The following REEP3 variants were observed in gnomAD, a reference collection of about 807,000 sequenced individuals.
The protein encoded by REEP3 is receptor expression-enhancing protein 3.
Under a neutral mutation model 41.3 loss-of-function variants are expected in REEP3, and 20 were observed. The observed-to-expected ratio is 0.48, with a 90% CI of 0.34 to 0.70. The LOEUF (loss-of-function observed/expected upper bound fraction) is 0.70, where lower values mean the gene tolerates loss of function less well. Ranked by LOEUF, REEP3 falls within the 30% of genes least tolerant of loss-of-function variation. REEP3 has a pLI of 0.01. For synonymous variants in REEP3, 104 were observed against 101.8 expected (o/e 1.02, Z -0.13); for missense variants, 271 against 308.8 (o/e 0.88, Z 0.92).
chr10:63,540,236 A>T (rs1589859418), intron 1 of REEP3, among the ~76,000 whole-genome samples: 1 of 152,234 alleles, frequency 6.6e-6, no homozygotes, highest in Non-Finnish European at 1.5e-5. Flanking sequence ...ACAGTACCTC[A>T]TGAAATTCAA....
chr10:63,524,945 A>G (rs1353862919), intron 1 of REEP3, among the ~76,000 whole-genome samples: 3 of 152,132 alleles, frequency 2.0e-5, no homozygotes, highest in East Asian at 3.9e-4. Flanking sequence ...CCTGGAGGCA[A>G]AGGTTGCAGT....
At chr10:63,571,459 A>G (rs1318851393) in intron 2 of REEP3, among the ~76,000 whole-genome samples, 1 of 152,038 alleles carries the variant, frequency 6.6e-6, no homozygotes, top group Non-Finnish European at 1.5e-5. Flanking sequence ...TTATTCTTCC[A>G]TCCTCAAACC....
At chr10:63,576,772 G>A (rs1022635915) in intron 2 of REEP3, among the ~76,000 whole-genome samples, 13 of 152,114 alleles carry the variant, frequency 8.5e-5, no homozygotes, top group African/African-American at 2.9e-4. Context: ...TCTTTTCCTG[G>A]CTTGTAAGGC....
At chr10:63,586,820 C>T (rs1057076973) in intron 2 of REEP3, among the ~76,000 whole-genome samples, 6 of 152,084 alleles carry the variant, frequency 3.9e-5, no homozygotes, top group Non-Finnish European at 5.9e-5. Context: ...GCATGAGCCA[C>T]GACACCCGGC....
chr10:63,549,385 TAGTG>T (rs1955607210), intron 1 of REEP3, among the ~76,000 whole-genome samples: 1 of 152,120 alleles, frequency 6.6e-6, no homozygotes, highest in Non-Finnish European at 1.5e-5. Flanking sequence ...CTGGATAACA[TAGTG>T]AGACCCCATC....
chr10:63,610,383 G>C lies in REEP3; in HGVS notation c.565+49G>C, dbSNP rs1956268482. ...CGGTTCTTTTACATGGAAACAGGGA[G>C]GGGAACAACATACACTGGGGCCTGT... On this transcript the variant is annotated intron_variant, in intron 6 of 7. Transcript: ENST00000373758. 2.6e-6 allele frequency: 4 copies of C among 1,537,250 alleles called. No homozygotes were observed. The East Asian group carries it at 9.8e-5, about 38-fold the overall frequency.
rs910161400 is a variant in REEP3, at chr10:63,624,196, G to C, written c.*3327G>C. 15 of 152,134 alleles carry C rather than the reference G, an allele frequency of 9.9e-5. No homozygotes were observed. The highest frequency in any genetic ancestry group is 3.4e-3 in the Middle Eastern group (1 of 294). The allele number at this position is 152,134 out of a possible 1,614,324, so 9.4% of individuals were successfully genotyped here. A position where few individuals can be genotyped will look rare whatever the true frequency, so the allele number is the denominator to read the frequency against. ...TTCTTCTTTGTAAGTTGACTCATTT[G>C]TGAAGCAATTAGGCAAATTTTGAGA... On this transcript the variant is annotated 3_prime_UTR_variant, in exon 8 of 8. Transcript: ENST00000373758.
intron 2 of REEP3, among the ~76,000 whole-genome samples, chr10:63,575,295 C>T (rs907705133): frequency 6.6e-6 from 1 of 152,134 alleles, no homozygotes; most frequent in South Asian, 2.1e-4. Context: ...TTTTTCTCCC[C>T]ATTCAGGAAG....
At chr10:63,526,065 A>G (rs949290526) in intron 1 of REEP3, among the ~76,000 whole-genome samples, 27 of 152,236 alleles carry the variant, frequency 1.8e-4, no homozygotes, top group African/African-American at 5.3e-4. Context: ...AAATCCCAGC[A>G]TGCTGAATGT....
intron 5 of REEP3, among the ~76,000 whole-genome samples, chr10:63,603,682 A>G (rs2133419761): frequency 6.6e-6 from 1 of 152,310 alleles, no homozygotes; most frequent in Middle Eastern, 3.4e-3. Flanking sequence ...TTTATCCATA[A>G]CATCCCTGTA....
At chr10:63,523,624 A>C (rs1254538917) in intron 1 of REEP3, among the ~76,000 whole-genome samples, 2 of 152,166 alleles carry the variant, frequency 1.3e-5, no homozygotes, top group Non-Finnish European at 2.9e-5. Flanking sequence ...CCACAGAGTG[A>C]GACTGTGCCT....
chr10:63,568,407 C>G (rs1432935319), intron 2 of REEP3, among the ~76,000 whole-genome samples: 1 of 151,816 alleles, frequency 6.6e-6, no homozygotes, highest in Non-Finnish European at 1.5e-5. Flanking sequence ...GCTGGGACTA[C>G]AGGCGCCCGC....
intron 2 of REEP3, among the ~76,000 whole-genome samples, chr10:63,567,159 A>G (rs1271462947): frequency 6.6e-6 from 1 of 152,244 alleles, no homozygotes; most frequent in African/African-American, 2.4e-5. Context: ...ATAAGCAGTC[A>G]ATACTGAGAT....
chr10:63,578,335 TG>T (rs1167736111), intron 2 of REEP3, among the ~76,000 whole-genome samples: 1 of 152,086 alleles, frequency 6.6e-6, no homozygotes, highest in Non-Finnish European at 1.5e-5. Flanking sequence ...CCTGACCTCG[TG>T]ATCCGCCTGC....
At chr10:63,603,759 T>C (rs186755339) in intron 5 of REEP3, among the ~76,000 whole-genome samples, 26 of 152,354 alleles carry the variant, frequency 1.7e-4, no homozygotes, top group African/African-American at 6.3e-4. Context: ...GAGTCTATAT[T>C]ATTCACTAGC....
At chr10:63,593,166 T>C (rs956183095) in intron 2 of REEP3, among the ~76,000 whole-genome samples, 1 of 152,250 alleles carries the variant, frequency 6.6e-6, no homozygotes, top group Non-Finnish European at 1.5e-5. Flanking sequence ...AAATAGACAA[T>C]TGAAAAAGCT....
chr10:63,578,083 GTATGTATGTATT>G (rs1403646130), intron 2 of REEP3, among the ~76,000 whole-genome samples: 4 of 152,056 alleles, frequency 2.6e-5, no homozygotes, highest in African/African-American at 7.2e-5. Flanking sequence ...TGGTATGTAT[GTATGTATGTATT>G]TATGTATGTA....
chr10:63,593,772 C>T (rs967929879), intron 2 of REEP3, among the ~76,000 whole-genome samples: 1 of 152,172 alleles, frequency 6.6e-6, no homozygotes, highest in Non-Finnish European at 1.5e-5. Flanking sequence ...GGCAGAGTGC[C>T]AGGGACCATT....
intron 2 of REEP3, among the ~76,000 whole-genome samples, chr10:63,572,327 T>C (rs1955860440): frequency 6.6e-6 from 1 of 152,144 alleles, no homozygotes; most frequent in Non-Finnish European, 1.5e-5. Flanking sequence ...AATTATACTT[T>C]AAGTTCTCGG....
Sources: allele counts gnomAD v4.1 joint callset (sites outside exome capture counted in the v4.1 genomes callset), GRCh38; gene constraint gnomAD v4.1.1; transcripts MANE v1.5; gene names NCBI Gene and HGNC (gene_info 2026-07-23, HGNC 2026-07-21).